The following CIMIP1 variants were observed in gnomAD, a reference collection of about 807,000 sequenced individuals.
CIMIP1 encodes low in lung cancer 1.
the CIMIP1 span, chr20:58,160,759 G>A: frequency 5.0e-5 from 81 of 1,614,078 alleles, no homozygotes; most frequent in Admixed American, 4.5e-4. Context: ...TCGACGATGC[G>A]ATCAGAAGCT....
the CIMIP1 span, among the ~76,000 whole-genome samples, chr20:58,158,517 G>A: frequency 6.6e-6 from 1 of 152,154 alleles, no homozygotes; most frequent in African/African-American, 2.4e-5. Context: ...AGGCATGGCG[G>A]TGGGTGCCTG....
chr20:58,158,466 C>T, the CIMIP1 span, among the ~76,000 whole-genome samples: 3 of 152,248 alleles, frequency 2.0e-5, no homozygotes, highest in East Asian at 1.9e-4. Flanking sequence ...CTGGCTAACA[C>T]GGTGAAACCC....
At chr20:58,152,700 CA>C in the CIMIP1 span, among the ~76,000 whole-genome samples, 2 of 79,542 alleles carry the variant, frequency 2.5e-5, no homozygotes, top group African/African-American at 5.4e-5. Flanking sequence ...CCATCCTAGG[CA>C]AAAAAAAGGC....
chr20:58,160,899 C>A, the CIMIP1 span: 1 of 1,499,128 alleles, frequency 6.7e-7, no homozygotes, highest in Non-Finnish European at 9.0e-7. Flanking sequence ...AAAGGAAGAG[C>A]TCCCCTGAAT....
chr20:58,155,385 G>C, the CIMIP1 span: 3 of 1,150,766 alleles, frequency 2.6e-6, no homozygotes, highest in Non-Finnish European at 3.8e-6. Flanking sequence ...TTCACCTGAG[G>C]CTTCCCGTCT....
chr20:58,158,649 C>CAAA, the CIMIP1 span, among the ~76,000 whole-genome samples: 178 of 142,862 alleles, frequency 1.2e-3, no homozygotes, highest in African/African-American at 4.4e-3. Flanking sequence ...GACTCCGTCT[C>CAAA]AAAAAAAAAA....
At chr20:58,151,192 G>T in the CIMIP1 span, among the ~76,000 whole-genome samples, 1 of 152,300 alleles carries the variant, frequency 6.6e-6, no homozygotes, top group South Asian at 2.1e-4. Flanking sequence ...TTGAGGAAAG[G>T]GGTCAATGTT....
At chr20:58,153,651 A>C in the CIMIP1 span, 5 of 1,448,702 alleles carry the variant, frequency 3.5e-6, no homozygotes, top group Non-Finnish European at 4.8e-6. Flanking sequence ...ATGAGCCCCA[A>C]GGTTACAGAA....
chr20:58,155,031 C>T, the CIMIP1 span, among the ~76,000 whole-genome samples: 9 of 152,226 alleles, frequency 5.9e-5, no homozygotes, highest in South Asian at 1.9e-3. Context: ...GTCTTGAACT[C>T]CTGAGCTCAA....
the CIMIP1 span, among the ~76,000 whole-genome samples, chr20:58,151,369 C>CA: frequency 2.6e-5 from 4 of 151,882 alleles, no homozygotes; most frequent in African/African-American, 9.7e-5. Flanking sequence ...TCTCAGCATC[C>CA]AACCAGAACG....
the CIMIP1 span, chr20:58,155,483 G>A: frequency 5.6e-6 from 9 of 1,613,934 alleles, no homozygotes; most frequent in African/African-American, 6.7e-5. Flanking sequence ...CAAGTGTGAA[G>A]AAGATCTCCC....
At chr20:58,160,540 G>C in the CIMIP1 span, 3 of 1,040,082 alleles carry the variant, frequency 2.9e-6, no homozygotes, top group African/African-American at 4.8e-5. Flanking sequence ...CTTGTTTTCA[G>C]TACACATCAG....
chr20:58,150,928 G>A, the CIMIP1 span: 2 of 1,579,476 alleles, frequency 1.3e-6, no homozygotes, highest in South Asian at 1.2e-5. Flanking sequence ...TGAGCCCAGG[G>A]CCAGAGCTTG....
At chr20:58,158,433 G>C in the CIMIP1 span, among the ~76,000 whole-genome samples, 1 of 152,176 alleles carries the variant, frequency 6.6e-6, no homozygotes, top group African/African-American at 2.4e-5. Flanking sequence ...GGCGGATCAC[G>C]AGGTCAGGAG....
At chr20:58,152,438 A>T in the CIMIP1 span, among the ~76,000 whole-genome samples, 17 of 151,796 alleles carry the variant, frequency 1.1e-4, no homozygotes, top group African/African-American at 4.1e-4. Flanking sequence ...AAAAAAAAAA[A>T]AGATTATTTA....
At chr20:58,151,457 A>G in the CIMIP1 span, among the ~76,000 whole-genome samples, 1 of 151,934 alleles carries the variant, frequency 6.6e-6, no homozygotes, top group South Asian at 2.1e-4. Context: ...TCTATCCTCC[A>G]GGCTGGAGTG....
the CIMIP1 span, among the ~76,000 whole-genome samples, chr20:58,159,082 C>A: frequency 1.3e-5 from 2 of 152,038 alleles, no homozygotes; most frequent in African/African-American, 2.4e-5. Flanking sequence ...GCATCCCTTG[C>A]ACCATCATGG....
chr20:58,159,183 C>CTTTTTTTTTTTTT, the CIMIP1 span, among the ~76,000 whole-genome samples: 8 of 104,084 alleles, frequency 7.7e-5, 1 homozygote, highest in Non-Finnish European at 9.2e-5. Flanking sequence ...GCACTTTCTT[C>CTTTTTTTTTTTTT]TTTTTTTTTT....
chr20:58,158,773 G>A, the CIMIP1 span, among the ~76,000 whole-genome samples: 1 of 152,068 alleles, frequency 6.6e-6, no homozygotes, highest in Non-Finnish European at 1.5e-5. Context: ...ATACCTAAAA[G>A]GGCATCTGAT....
Sources: allele counts gnomAD v4.1 joint callset (sites outside exome capture counted in the v4.1 genomes callset), GRCh38; gene constraint gnomAD v4.1.1; transcripts MANE v1.5; gene names NCBI Gene and HGNC (gene_info 2026-07-23, HGNC 2026-07-21).